The following ADAMTS3 variants were observed in gnomAD, a reference collection of about 807,000 sequenced individuals.
ADAMTS3 encodes ADAM metallopeptidase with thrombospondin type 1 motif 3, also known as A disintegrin and metalloproteinase with thrombospondin motifs 3.
Under a neutral mutation model 129.0 loss-of-function variants are expected in ADAMTS3, and 73 were observed. The observed-to-expected ratio is 0.57, with a 90% CI of 0.47 to 0.69. The LOEUF (loss-of-function observed/expected upper bound fraction) is 0.69, where lower values mean the gene tolerates loss of function less well. Among genes scored for constraint, ADAMTS3 ranks in the 30% least tolerant of loss-of-function variants. The pLI, the probability that ADAMTS3 is intolerant of heterozygous loss-of-function variation, is 0.00. For synonymous variants in ADAMTS3, 477 were observed against 510.8 expected (o/e 0.93, Z 0.89); for missense variants, 1,457 against 1,514.5 (o/e 0.96, Z 0.63).
In ADAMTS3 at chr4:72,546,966, C is replaced by T. The variant is rs546528194; in HGVS notation, c.504+1512G>A. On this transcript the variant is annotated intron_variant, in intron 3 of 21. Transcript: ENST00000286657. ...CCCTTGCCAAAGACCACCAGAAGCA[C>T]GTCTTTAGTTAACAAGCTGGGTTTG... is the stretch of plus-strand genomic sequence containing the variant. Among the ~76,000 whole-genome samples, 7 of 152,246 alleles carry T rather than the reference C, an allele frequency of 4.6e-5. No individual in the cohort carries two copies. In the South Asian group the frequency reaches 6.2e-4, roughly 14 times the overall value.
intron 3 of ADAMTS3, among the ~76,000 whole-genome samples, chr4:72,439,475 T>G (rs1718054916): frequency 6.6e-6 from 1 of 151,650 alleles, no homozygotes; most frequent in South Asian, 2.1e-4. Context: ...GTTTCCTTAT[T>G]TTTTTCCTTT....
intron 14 of ADAMTS3, among the ~76,000 whole-genome samples, chr4:72,309,873 A>G (rs1178051600): frequency 1.3e-5 from 2 of 152,104 alleles, no homozygotes; most frequent in Non-Finnish European, 2.9e-5. Flanking sequence ...TCTCACATTT[A>G]TGATGATGGA....
intron 2 of ADAMTS3, among the ~76,000 whole-genome samples, chr4:72,553,779 T>C (rs1402664282): frequency 2.0e-5 from 3 of 152,118 alleles, no homozygotes; most frequent in Non-Finnish European, 4.4e-5. Context: ...TGCTCTGGAT[T>C]GGGGAGGCCT....
chr4:72,498,775 G>C (rs1249473947), intron 3 of ADAMTS3, among the ~76,000 whole-genome samples: 1 of 151,832 alleles, frequency 6.6e-6, no homozygotes, highest in African/African-American at 2.4e-5. Flanking sequence ...TCCCCATAAA[G>C]CTGTCTCATA....
chr4:72,460,435 T>C (rs1234893085), intron 3 of ADAMTS3, among the ~76,000 whole-genome samples: 1 of 151,508 alleles, frequency 6.6e-6, no homozygotes, highest in African/African-American at 2.4e-5. Flanking sequence ...GTGAAAGTTG[T>C]AGACACCCCA....
At chr4:72,406,640 T>C (rs920747765) in intron 4 of ADAMTS3, among the ~76,000 whole-genome samples, 1 of 152,214 alleles carries the variant, frequency 6.6e-6, no homozygotes, top group Non-Finnish European at 1.5e-5. Flanking sequence ...GAACGAATGA[T>C]GCTTTTATGT....
intron 5 of ADAMTS3, among the ~76,000 whole-genome samples, chr4:72,336,077 A>C (rs1215720277): frequency 6.6e-6 from 1 of 152,174 alleles, no homozygotes; most frequent in Admixed American, 6.5e-5. Context: ...AGAAACTATC[A>C]TCTCAGTTCT....
At chr4:72,437,997 T>C (rs1218586398) in intron 3 of ADAMTS3, among the ~76,000 whole-genome samples, 1 of 151,756 alleles carries the variant, frequency 6.6e-6, no homozygotes, top group Non-Finnish European at 1.5e-5. Flanking sequence ...TTCCCATAAA[T>C]GTTTTTTGTT....
At chr4:72,381,349 G>C (rs754518860) in intron 4 of ADAMTS3, among the ~76,000 whole-genome samples, 24 of 152,118 alleles carry the variant, frequency 1.6e-4, no homozygotes, top group Non-Finnish European at 2.9e-4. Flanking sequence ...ATGCCAGATA[G>C]CCATGCAACT....
intron 3 of ADAMTS3, among the ~76,000 whole-genome samples, chr4:72,529,150 C>T (rs1720892048): frequency 6.6e-6 from 1 of 152,046 alleles, no homozygotes; most frequent in Admixed American, 6.6e-5. Context: ...AAAAGCTGAT[C>T]CAAAAGGCCA....
intron 4 of ADAMTS3, among the ~76,000 whole-genome samples, chr4:72,387,836 T>G (rs556825596): frequency 6.6e-6 from 1 of 152,058 alleles, no homozygotes; most frequent in African/African-American, 2.4e-5. Context: ...ATGCTATTTA[T>G]TGTTGTTCCC....
chr4:72,562,523 G>C (rs2109807187), intron 2 of ADAMTS3, among the ~76,000 whole-genome samples: 1 of 152,270 alleles, frequency 6.6e-6, no homozygotes, highest in Non-Finnish European at 1.5e-5. Context: ...ATGAAGTTCA[G>C]AAGGAGTTTG....
chr4:72,518,319 A>G (rs1312477434), intron 3 of ADAMTS3, among the ~76,000 whole-genome samples: 13 of 152,220 alleles, frequency 8.5e-5, no homozygotes, highest in Admixed American at 5.2e-4. Context: ...TTCTGTTGAT[A>G]TGGGGTGGAG....
intron 3 of ADAMTS3, among the ~76,000 whole-genome samples, chr4:72,426,332 A>G (rs1410128984): frequency 1.3e-5 from 2 of 152,036 alleles, no homozygotes; most frequent in Admixed American, 1.3e-4. Flanking sequence ...GAAGCTCTTT[A>G]GTTTAATTAG....
intron 3 of ADAMTS3, among the ~76,000 whole-genome samples, chr4:72,497,300 C>T (rs943239704): frequency 2.0e-5 from 3 of 151,840 alleles, no homozygotes; most frequent in African/African-American, 4.8e-5. Flanking sequence ...TATTTTATAT[C>T]GTGATCAAAA....
chr4:72,483,575 C>T (rs903344343), intron 3 of ADAMTS3, among the ~76,000 whole-genome samples: 9 of 152,130 alleles, frequency 5.9e-5, no homozygotes, highest in Admixed American at 6.6e-5. Context: ...ATTTGGTTTG[C>T]CCCAGTCTCA....
intron 3 of ADAMTS3, among the ~76,000 whole-genome samples, chr4:72,489,911 T>C (rs540198592): frequency 6.6e-6 from 1 of 151,946 alleles, no homozygotes; most frequent in East Asian, 1.9e-4. Flanking sequence ...ATATATGTAG[T>C]TTTATTTTTA....
chr4:72,530,672 ATAATATG>A (rs1223749792), intron 3 of ADAMTS3, among the ~76,000 whole-genome samples: 1 of 49,382 alleles, frequency 2.0e-5, no homozygotes. Context: ...TATATAATAT[ATAATATG>A]TATAATATAT....
At chr4:72,413,953 A>G (rs1270135223) in intron 4 of ADAMTS3, among the ~76,000 whole-genome samples, 1 of 151,884 alleles carries the variant, frequency 6.6e-6, no homozygotes, top group Non-Finnish European at 1.5e-5. Context: ...GGAAGTTAGT[A>G]GCATCTGAAA....
Sources: gnomAD v4.1 joint callset for allele counts (sites outside exome capture counted in the v4.1 genomes callset) on GRCh38, gnomAD v4.1.1 for gene constraint, MANE v1.5 for transcripts, NCBI Gene and HGNC (gene_info 2026-07-23, HGNC 2026-07-21) for gene names.